ABHD17B: variants seen among roughly 807,000 people sequenced by gnomAD.
ABHD17B encodes the protein abhydrolase domain containing 17B, depalmitoylase.
In ABHD17B, 9 loss-of-function variants were observed where a neutral mutation model predicts 26.2. That is an observed-to-expected ratio of 0.34 (90% confidence interval 0.21 to 0.60). ABHD17B has a LOEUF of 0.60. Among genes scored for constraint, ABHD17B ranks in the 20% least tolerant of loss-of-function variants. ABHD17B has a pLI of 0.80. For missense variants in ABHD17B, 224 were observed against 352.1 expected, an observed-to-expected ratio of 0.64 and a Z score of 2.91; for synonymous variants, 127 against 122.3, an observed-to-expected ratio of 1.04 and a Z score of -0.25.
chr9:71,874,970 C>T lies in ABHD17B; in HGVS notation c.111G>A (p.Leu37=), dbSNP rs995994587. 5.6e-6 allele frequency: 9 copies of T among 1,614,062 alleles called. No individual in the cohort carries two copies. In the Admixed American group the frequency reaches 6.7e-5, roughly 12 times the overall value. ...AFLPPDPTYT[L]MCDESGSRWT... is the part of the protein sequence containing the mutation. Reference sequence around the variant, plus strand: ...AACGGCTTCCGCTTTCATCACACATCAGTGTGTAAGTTGGATCAGGTGGCA... The same window carrying T: ...AACGGCTTCCGCTTTCATCACACATTAGTGTGTAAGTTGGATCAGGTGGCA... Residue 37 remains leucine (L), a synonymous_variant, in exon 2 of 4, where the codon CTG becomes CTA. Transcript: ENST00000333421.
chr9:71,878,607 C>T (rs1826349352), intron 1 of ABHD17B, among the ~76,000 whole-genome samples: 1 of 152,044 alleles, frequency 6.6e-6, no homozygotes, highest in Non-Finnish European at 1.5e-5. Context: ...AACTTTTAAC[C>T]TAGAATTGTA....
intron 1 of ABHD17B, among the ~76,000 whole-genome samples, chr9:71,905,172 G>A (rs1325075683): frequency 6.6e-6 from 1 of 151,892 alleles, no homozygotes; most frequent in African/African-American, 2.4e-5. Context: ...CCCCAGGCTG[G>A]AGTGTGGTGG....
rs753498845 is a variant in ABHD17B at position 71,870,232 on chromosome 9, T to A, written c.498A>T (p.Ile166=). The A allele has an allele frequency of 6.2e-7, 1 of 1,600,784 alleles. No individual in the cohort carries two copies. Among genetic ancestry groups the A allele is most frequent in the Non-Finnish European group, 8.5e-7 (1 of 1,175,768 alleles). ...GTACTGTCCCTATACTTTGGCCATATATAATCACATTTTCAGGGCGAATGC... is the reference window on the plus strand; with the variant it reads ...GTACTGTCCCTATACTTTGGCCATAAATAATCACATTTTCAGGGCGAATGC... ...RYGIRPENVI[I]YGQSIGTVPS... Residue 166 remains isoleucine (I), a synonymous_variant, in exon 3 of 4, where the codon ATA becomes ATT. Transcript: ENST00000333421.
chr9:71,885,202 T>C (rs1199007688), intron 1 of ABHD17B, among the ~76,000 whole-genome samples: 1 of 152,032 alleles, frequency 6.6e-6, no homozygotes, highest in African/African-American at 2.4e-5. Flanking sequence ...CCCAGCAATT[T>C]GGGAGGCCAA....
chr9:71,904,779 T>G (rs574218330), intron 1 of ABHD17B, among the ~76,000 whole-genome samples: 2 of 152,314 alleles, frequency 1.3e-5, no homozygotes, highest in South Asian at 4.1e-4. Context: ...AGGTGTCAAA[T>G]TTTAATTTTG....
intron 1 of ABHD17B, among the ~76,000 whole-genome samples, chr9:71,893,959 G>A (rs768053768): frequency 6.6e-6 from 1 of 151,786 alleles, no homozygotes; most frequent in Admixed American, 6.6e-5. Context: ...GTGTGGTGGC[G>A]GGCACCTGTA....
chr9:71,862,575 A>G (rs773145614), downstream of ABHD17B: 41 of 1,530,738 alleles, frequency 2.7e-5, no homozygotes, highest in Non-Finnish European at 3.7e-5. Context: ...GTAGACCTTG[A>G]GAAAATCACT....
downstream of ABHD17B, among the ~76,000 whole-genome samples, chr9:71,862,879 T>C (rs1465648580): frequency 2.6e-5 from 4 of 152,010 alleles, no homozygotes; most frequent in East Asian, 3.9e-4. Flanking sequence ...ACTCGAGTGG[T>C]CCTCCCACCT....
chr9:71,878,590 G>A (rs1259610507), intron 1 of ABHD17B, among the ~76,000 whole-genome samples: 2 of 152,088 alleles, frequency 1.3e-5, no homozygotes, highest in Admixed American at 1.3e-4. Flanking sequence ...AGCTAAAGAT[G>A]AAATCAAACT....
intron 1 of ABHD17B, among the ~76,000 whole-genome samples, chr9:71,907,012 G>A (rs1219608970): frequency 5.3e-5 from 8 of 152,076 alleles, no homozygotes; most frequent in African/African-American, 1.9e-4. Flanking sequence ...TTTTATTAAG[G>A]CCAATGCTTT....
At chr9:71,886,729 G>A (rs770353859) in intron 1 of ABHD17B, among the ~76,000 whole-genome samples, 3 of 152,028 alleles carry the variant, frequency 2.0e-5, no homozygotes, top group Non-Finnish European at 4.4e-5. Flanking sequence ...TGGATGAAAC[G>A]GGTTCACAGA....
chr9:71,878,281 T>C (rs530565950), intron 1 of ABHD17B, among the ~76,000 whole-genome samples: 40 of 152,224 alleles, frequency 2.6e-4, no homozygotes, highest in African/African-American at 9.6e-4. Context: ...AAAGATCAGG[T>C]TGAGTAATTT....
intron 1 of ABHD17B, among the ~76,000 whole-genome samples, chr9:71,900,091 T>C (rs1260502194): frequency 6.6e-6 from 1 of 152,202 alleles, no homozygotes; most frequent in African/African-American, 2.4e-5. Flanking sequence ...TAATTGTAAA[T>C]AAGAACAAAT....
chr9:71,897,990 A>C (rs1827007946), intron 1 of ABHD17B, among the ~76,000 whole-genome samples: 1 of 152,238 alleles, frequency 6.6e-6, no homozygotes, highest in African/African-American at 2.4e-5. Flanking sequence ...GTCTTTTCAT[A>C]CATTTTTTTT....
intron 3 of ABHD17B, among the ~76,000 whole-genome samples, chr9:71,869,637 T>C (rs2132125842): frequency 6.6e-6 from 1 of 152,330 alleles, no homozygotes; most frequent in Non-Finnish European, 1.5e-5. Flanking sequence ...TTAGGTATCA[T>C]TAATCAGATA....
chr9:71,865,086 G>C (rs781761190), downstream of ABHD17B: 2 of 901,514 alleles, frequency 2.2e-6, no homozygotes, highest in African/African-American at 3.6e-5. Flanking sequence ...AAAAACGAAG[G>C]GTAATTTTTT....
intron 1 of ABHD17B, among the ~76,000 whole-genome samples, chr9:71,893,978 T>C (rs1054589096): frequency 2.0e-5 from 3 of 151,460 alleles, no homozygotes; most frequent in African/African-American, 7.3e-5. Context: ...TAGTCCCAGC[T>C]ACTCGGGAGG....
At chr9:71,885,627 G>A (rs577933429) in intron 1 of ABHD17B, among the ~76,000 whole-genome samples, 11 of 152,092 alleles carry the variant, frequency 7.2e-5, no homozygotes, top group African/African-American at 2.7e-4. Flanking sequence ...TCCTGGTAAC[G>A]TTTTCCTCCT....
chr9:71,890,533 T>C (rs376734618), intron 1 of ABHD17B, among the ~76,000 whole-genome samples: 213 of 152,328 alleles, frequency 1.4e-3, no homozygotes, highest in African/African-American at 4.9e-3. Context: ...TATTAAGTTT[T>C]TATCTATTGG....
Sources: gnomAD v4.1 joint callset for allele counts (sites outside exome capture counted in the v4.1 genomes callset) on GRCh38, gnomAD v4.1.1 for gene constraint, MANE v1.5 for transcripts, NCBI Gene and HGNC (gene_info 2026-07-23, HGNC 2026-07-21) for gene names.